Variants in ITGAM observed in about 807,000 individuals in gnomAD.
ITGAM encodes the protein integrin subunit alpha M, also known as integrin alpha-M.
In ITGAM, 79 loss-of-function variants were observed where a neutral mutation model predicts 137.5. The ratio of observed to expected loss-of-function variants is 0.57; its 90% CI spans 0.48 to 0.69. ITGAM has a LOEUF of 0.69. ITGAM is among the 30% of genes least tolerant of loss of function. The pLI is 0.00. For synonymous variants in ITGAM, 583 were observed against 592.3 expected, an observed-to-expected ratio of 0.98 and a Z score of 0.23; for missense variants, 1,343 against 1,483.5, an observed-to-expected ratio of 0.91 and a Z score of 1.56.
Position 31,276,516 on chromosome 16 carries a change from G to A in ITGAM, c.1010-155G>A, listed in dbSNP as rs541682386. 2.0e-4 allele frequency among the ~76,000 whole-genome samples: 30 copies of A among 152,254 alleles called. No homozygotes were observed. In the South Asian group the frequency reaches 6.0e-3, roughly 31 times the overall value. ...CCAGCTAATTTTTGTATTTTTAGTA[G>A]AGACGGGGTTTCACCATGTTCACCA... On this transcript the variant is annotated intron_variant, in intron 9 of 29. Coordinates refer to ENST00000544665, the MANE Select transcript of ITGAM (RefSeq NM_000632.4).
rs773987124 is a variant in ITGAM at position 31,325,636 on chromosome 16, G to A, written c.2628+14G>A. Reference sequence around the variant, plus strand: ...GAAAACTCAGAGGTCAGAACTCCTGGCTCCTCCCCTCCTTTTCTCTTTGAT... The same window carrying A: ...GAAAACTCAGAGGTCAGAACTCCTGACTCCTCCCCTCCTTTTCTCTTTGAT... On this transcript the variant is annotated intron_variant, in intron 21 of 29. Transcript: ENST00000544665. 6.2e-7 allele frequency: 1 copy of A among 1,609,696 alleles called. No individual in the cohort carries two copies. The highest frequency in any genetic ancestry group is 8.5e-7 in the Non-Finnish European group (1 of 1,178,612).
intron 12 of ITGAM, among the ~76,000 whole-genome samples, chr16:31,289,971 C>T (rs981723677): frequency 2.0e-5 from 3 of 150,066 alleles, no homozygotes; most frequent in Non-Finnish European, 2.9e-5. Flanking sequence ...ATCTCAGCTA[C>T]TTGGGAGGCT....
At chr16:31,312,614 T>C (rs189981214) in intron 14 of ITGAM, among the ~76,000 whole-genome samples, 2 of 152,186 alleles carry the variant, frequency 1.3e-5, no homozygotes, top group Admixed American at 6.5e-5. Context: ...TCTTTTGCAG[T>C]GACAGGGTCT....
intron 12 of ITGAM, among the ~76,000 whole-genome samples, chr16:31,290,047 C>T (rs1364359485): frequency 2.7e-5 from 4 of 146,778 alleles, no homozygotes; most frequent in East Asian, 4.0e-4. Flanking sequence ...TGCCATTGCA[C>T]TCCAGCCTGG....
At position 31,265,860 on chromosome 16, in the gene ITGAM, C is replaced by T. The variant is rs776622383; in HGVS notation, c.288C>T (p.Thr96=). 6.2e-7 allele frequency: 1 copy of T among 1,613,892 alleles called. No homozygotes were observed. The highest frequency in any genetic ancestry group is 8.5e-7 in the Non-Finnish European group (1 of 1,179,972). Reference sequence around the variant, plus strand: ...CCCTGGGCCTGTCCCTGGCAGCCACCACCAGCCCCCCTCAGCTGCTGGTGA... The same window carrying T: ...CCCTGGGCCTGTCCCTGGCAGCCACTACCAGCCCCCCTCAGCTGCTGGTGA... ...NMSLGLSLAA[T]TSPPQLLACG... The change falls in exon 4 of 30, where the codon ACC becomes ACT. Residue 96 remains threonine, a synonymous_variant. Coordinates refer to ENST00000544665, the MANE Select transcript of ITGAM (RefSeq NM_000632.4).
chr16:31,330,456 C>T, intron 27 of ITGAM, 35 bp downstream of exon 27: 2 of 1,607,496 alleles, frequency 1.2e-6, no homozygotes, highest in Non-Finnish European at 1.7e-6. Context: ...CGGGCACAGG[C>T]GTGGTGCTCA....
At chr16:31,299,407 C>T (rs912878811) in intron 14 of ITGAM, among the ~76,000 whole-genome samples, 4 of 151,910 alleles carry the variant, frequency 2.6e-5, no homozygotes, top group African/African-American at 4.8e-5. Context: ...CTCCTGGGTT[C>T]AAGCGATTCT....
At chr16:31,279,097 A>G (rs1261539541) in intron 12 of ITGAM, among the ~76,000 whole-genome samples, 1 of 152,202 alleles carries the variant, frequency 6.6e-6, no homozygotes, top group Non-Finnish European at 1.5e-5. Flanking sequence ...ATAGTATTCC[A>G]TGGTGTATAT....
At position 31,276,910 on chromosome 16, in the gene ITGAM, C is replaced by T. The variant is rs1445201141; in HGVS notation, c.1084-10C>T. 3 of 1,609,702 alleles carry T rather than the reference C, an allele frequency of 1.9e-6. No homozygotes were observed. Among genetic ancestry groups the T allele is most frequent in the South Asian group, 1.1e-5 (1 of 90,418 alleles). The stretch of plus-strand genomic sequence containing the variant: ...CCTTCCTCATCAACCCTGTTCTACA[C>T]CTTTCCCAGAATGGCCCCTTGCTGA... On this transcript the variant is annotated splice_polypyrimidine_tract_variant and intron_variant, in intron 10 of 29. Transcript: ENST00000544665.
chr16:31,320,752 T>A (rs1322992572), intron 14 of ITGAM, among the ~76,000 whole-genome samples: 1 of 152,202 alleles, frequency 6.6e-6, no homozygotes, highest in East Asian at 1.9e-4. Context: ...TCACGCCTCA[T>A]GTTTATGTGA....
intron 5 of ITGAM, among the ~76,000 whole-genome samples, chr16:31,270,534 G>A (rs958864483): frequency 6.9e-6 from 1 of 145,750 alleles, no homozygotes; most frequent in African/African-American, 2.5e-5. Context: ...ATTTTTAAGA[G>A]ACAGGGTCTT....
intron 14 of ITGAM, among the ~76,000 whole-genome samples, chr16:31,312,011 CA>C (rs1208996950): frequency 6.6e-6 from 1 of 151,580 alleles, no homozygotes; most frequent in Non-Finnish European, 1.5e-5. Context: ...TGGAAACCAT[CA>C]TTCTCAGCAA....
At chr16:31,281,516 T>C (rs1238443280) in intron 12 of ITGAM, among the ~76,000 whole-genome samples, 2 of 152,208 alleles carry the variant, frequency 1.3e-5, no homozygotes, top group African/African-American at 4.8e-5. Context: ...TAGAGGTGTT[T>C]ATAGTATTCT....
At chr16:31,285,847 G>A (rs933900119) in intron 12 of ITGAM, among the ~76,000 whole-genome samples, 1 of 149,556 alleles carries the variant, frequency 6.7e-6, no homozygotes, top group Non-Finnish European at 1.5e-5. Flanking sequence ...TGCCCAGGCT[G>A]GTTTTGAACA....
rs1383523756 is a variant in ITGAM at position 31,270,163 on chromosome 16, C to CTTTCCTTTCA, written c.428-782_428-781insATTTCCTTTC. 3.4e-4 allele frequency among the ~76,000 whole-genome samples: 12 copies of CTTTCCTTTCA among 35,624 alleles called. 2 individuals are homozygous for CTTTCCTTTCA. Among genetic ancestry groups the CTTTCCTTTCA allele is most frequent in the African/African-American group, 9.5e-4 (11 of 11,534 alleles). The allele number at this position is 35,624 out of a possible 152,430, so 23.4% of individuals were successfully genotyped here. On this transcript the variant is annotated intron_variant, in intron 5 of 29. Transcript: ENST00000544665. Reference sequence around the variant, plus strand: ...CTTTCCTTTCCTTTCCTTTCCTTTCCTTTCCTTTCCTTTCCTTTCCTTTCC... The same window carrying CTTTCCTTTCA: ...CTTTCCTTTCCTTTCCTTTCCTTTCCTTTCCTTTCATTTCCTTTCCTTTCCTTTCCTTTCC...
chr16:31,325,255 T>A lies in ITGAM; in HGVS notation c.2364-8T>A, dbSNP rs1425264009. ...CCCATCCCCCGGCCTGTCTTCTTCTTCCCACAGCCTGGACTGCCTCGTGGT... is the reference window on the plus strand; with the variant it reads ...CCCATCCCCCGGCCTGTCTTCTTCTACCCACAGCCTGGACTGCCTCGTGGT... On this transcript the variant is annotated splice_region_variant and splice_polypyrimidine_tract_variant and intron_variant, in intron 19 of 29. Transcript: ENST00000544665. 1 of 1,607,340 alleles carries A rather than the reference T, an allele frequency of 6.2e-7. No individual in the cohort carries two copies.
In ITGAM at chr16:31,325,514, G is replaced by A. The variant is rs761767742; in HGVS notation, c.2520G>A (p.Gln840=). Residue 840 remains glutamine (Q), a synonymous_variant, in exon 21 of 30, where the codon CAG becomes CAA. Coordinates refer to ENST00000544665, the MANE Select transcript of ITGAM (RefSeq NM_000632.4). The part of the protein sequence containing the change: ...KVSTLQNQRS[Q]RSWRLACESA... ...CTGCCTTCCAGAACCAGCGCTCACA[G>A]CGATCCTGGCGCCTGGCCTGTGAGT... is the stretch of plus-strand genomic sequence containing the variant. 6.2e-7 allele frequency: 1 copy of A among 1,613,936 alleles called. No homozygotes were observed. The highest frequency in any genetic ancestry group is 8.5e-7 in the Non-Finnish European group (1 of 1,179,888).
chr16:31,306,190 C>T (rs950008737), intron 14 of ITGAM, among the ~76,000 whole-genome samples: 1 of 152,124 alleles, frequency 6.6e-6, no homozygotes, highest in Admixed American at 6.6e-5. Flanking sequence ...TACCGAAAAG[C>T]ATTTTGAATG....
chr16:31,293,554 G>A (rs1246979430), intron 12 of ITGAM, among the ~76,000 whole-genome samples: 2 of 152,008 alleles, frequency 1.3e-5, no homozygotes, highest in Non-Finnish European at 2.9e-5. Context: ...ATAGGTGTAT[G>A]GCCTTATTTC....
Sources: allele counts gnomAD v4.1 joint callset (sites outside exome capture counted in the v4.1 genomes callset), GRCh38; gene constraint gnomAD v4.1.1; transcripts MANE v1.5; gene names NCBI Gene and HGNC (gene_info 2026-07-23, HGNC 2026-07-21).